Variants in TBC1D31 observed in about 807,000 individuals in gnomAD.
TBC1D31 encodes WD repeat domain 67.
A neutral mutation model predicts 132.9 loss-of-function variants in TBC1D31; 99 were observed. The ratio of observed to expected loss-of-function variants is 0.74; its 90% CI spans 0.63 to 0.88. The LOEUF is 0.88. Ranked by LOEUF, TBC1D31 falls within the 40% of genes least tolerant of loss-of-function variation. TBC1D31 has a pLI of 0.00. For missense variants in TBC1D31, 1,134 were observed against 1,256.6 expected, an observed-to-expected ratio of 0.90 and a Z score of 1.48; for synonymous variants, 385 against 419.4, an observed-to-expected ratio of 0.92 and a Z score of 1.00.
chr8:123,126,877 G>T (rs1176797406), intron 13 of TBC1D31, among the ~76,000 whole-genome samples, 190 bp downstream of exon 13: 1 of 151,994 alleles, frequency 6.6e-6, no homozygotes, highest in Non-Finnish European at 1.5e-5. Context: ...GAGTAGCTGG[G>T]ATTACAGGTG....
chr8:123,113,646 T>C (rs893702465), intron 10 of TBC1D31, among the ~76,000 whole-genome samples: 11 of 152,232 alleles, frequency 7.2e-5, no homozygotes, highest in African/African-American at 2.7e-4. Flanking sequence ...TATATACTTA[T>C]ATGCCTACTA....
chr8:123,133,931 T>C (rs1820846011), intron 16 of TBC1D31, among the ~76,000 whole-genome samples, 183 bp from the exon 17 acceptor site: 1 of 152,204 alleles, frequency 6.6e-6, no homozygotes, highest in South Asian at 2.1e-4. Flanking sequence ...TAACTTTAAC[T>C]GAGAGATTAT....
intron 8 of TBC1D31, among the ~76,000 whole-genome samples, chr8:123,106,857 A>G (rs758258683): frequency 6.6e-6 from 1 of 152,242 alleles, no homozygotes; most frequent in African/African-American, 2.4e-5. Flanking sequence ...CAAAATCAGC[A>G]AAGGGAAAAG....
At chr8:123,156,070 TAGAA>T (rs1320049315), downstream of TBC1D31, among the ~76,000 whole-genome samples, 1 of 152,198 alleles carries the variant, frequency 6.6e-6, no homozygotes, top group African/African-American at 2.4e-5. Context: ...GCTATTATCC[TAGAA>T]AGATTCAAGT....
In TBC1D31 at chr8:123,102,160, C is replaced by T. The variant is rs561523406; in HGVS notation, c.1032+1153C>T. The T allele has an allele frequency of 4.2e-4, 189 of 450,718 alleles. 1 individual carries two copies. The highest frequency in any genetic ancestry group is 2.5e-4 in the Non-Finnish European group (55 of 224,194). The allele number at this position is 450,718 out of a possible 1,614,324, so 27.9% of individuals were successfully genotyped here. A position where few individuals can be genotyped will look rare whatever the true frequency, so the allele number is the denominator to read the frequency against. On this transcript the variant is annotated intron_variant, in intron 7 of 21. Transcript: ENST00000287380. ...CCCCCAGCTAACCAGTCATATTGTC[C>T]GTGTGTCTTCCAGTCTGAAATTGCA... is the stretch of plus-strand genomic sequence containing the variant.
chr8:123,126,616 A>G lies in TBC1D31; in HGVS notation c.1813A>G (p.Met605Val), dbSNP rs192939621. 3 of 1,614,012 alleles carry G rather than the reference A, an allele frequency of 1.9e-6. No individual in the cohort carries two copies. The highest frequency in any genetic ancestry group is 2.5e-6 in the Non-Finnish European group (3 of 1,179,968). Reference sequence around the variant, plus strand: ...TTCCAACCATCCTTCCTTCCTTCTGATGACTGTTGTAGCCTACAACATATG... The same window carrying G: ...TTCCAACCATCCTTCCTTCCTTCTGGTGACTGTTGTAGCCTACAACATATG... ...IFSNHPSFLL[M>V]TVVAYNICSR... The change falls in exon 13 of 22, where the codon ATG (methionine) becomes GTG (valine). Residue 605 changes from methionine to valine, a missense_variant. Met to Val is a conservative substitution (Grantham distance 21, BLOSUM62 1). Coordinates refer to ENST00000287380, the MANE Select transcript of TBC1D31 (RefSeq NM_145647.4).
At chr8:123,155,079 G>A (rs1822953591), downstream of TBC1D31, among the ~76,000 whole-genome samples, 1 of 152,154 alleles carries the variant, frequency 6.6e-6, no homozygotes, top group East Asian at 1.9e-4. This position sits in a 1 kb window ranked among gnomAD's most constrained non-coding sequence, Gnocchi z 4.1. Context: ...CAGGAATGTG[G>A]ACTCAATGTT....
At chr8:123,159,108 G>C in the TBC1D31 span, among the ~76,000 whole-genome samples, 1,671 of 152,146 alleles carry the variant, frequency 0.011, 33 homozygotes, top group African/African-American at 0.037. Flanking sequence ...CTGCAGGCCC[G>C]AGGAGATGCT....
rs541786303 is a variant in TBC1D31 at position 123,120,076 on chromosome 8, C to A, written c.1458C>A (p.His486Gln). 5.0e-6 allele frequency: 8 copies of A among 1,605,954 alleles called. No homozygotes were observed. Among genetic ancestry groups the A allele is most frequent in the African/African-American group, 2.7e-5 (2 of 74,790 alleles). The change falls in exon 11 of 22, where the codon CAC becomes CAA. Residue 486 changes from histidine to glutamine, a missense_variant. By Grantham distance (24) the His-to-Gln change is conservative. Transcript: ENST00000287380. The stretch of plus-strand genomic sequence containing the variant: ...ACAGAACCTTATCTGCATTAGCTCA[C>A]TGGTCTGTCATTTTTAGTGACACAC... The part of the protein sequence containing the change: ...VLQRTLSALA[H>Q]WSVIFSDTPY...
In TBC1D31 at chr8:123,097,345, T is replaced by C; in HGVS notation, c.735T>C (p.Ala245=). The C allele has an allele frequency of 6.2e-7, 1 of 1,614,214 alleles. No individual in the cohort carries two copies. Among genetic ancestry groups the C allele is most frequent in the Non-Finnish European group, 8.5e-7 (1 of 1,180,028 alleles). ...ATCTTCATTTGTGGTGCTTGGAAGCTAGGCAGCTCTTTAGAATTATCCAGA... is the reference window on the plus strand; with the variant it reads ...ATCTTCATTTGTGGTGCTTGGAAGCCAGGCAGCTCTTTAGAATTATCCAGA... ...SNHLHLWCLE[A]RQLFRIIQMP... is the part of the protein sequence containing the mutation. The change falls in exon 6 of 22, where the codon GCT becomes GCC. Residue 245 remains alanine, a synonymous_variant. Coordinates refer to ENST00000287380, the MANE Select transcript of TBC1D31 (RefSeq NM_145647.4).
rs115804503 is a variant in TBC1D31 at position 123,079,094 on chromosome 8, A to C, written c.224+1837A>C. 2.1e-3 allele frequency among the ~76,000 whole-genome samples: 315 copies of C among 152,328 alleles called. 1 individual carries two copies. The highest frequency in any genetic ancestry group is 7.2e-3 in the African/African-American group (298 of 41,570). On this transcript the variant is annotated intron_variant, in intron 2 of 21. Coordinates refer to ENST00000287380, the MANE Select transcript of TBC1D31 (RefSeq NM_145647.4). ...AAAGCTAAATTAAGGACATCTAATAACAAAACTGTGCTGATATCTCTACAA... is the reference window on the plus strand; with the variant it reads ...AAAGCTAAATTAAGGACATCTAATACCAAAACTGTGCTGATATCTCTACAA...
At chr8:123,079,870 C>T (rs1814956185) in intron 2 of TBC1D31, among the ~76,000 whole-genome samples, 1 of 137,950 alleles carries the variant, frequency 7.2e-6, no homozygotes, top group African/African-American at 2.5e-5. Flanking sequence ...CCCTCATTAC[C>T]TTATTCATAA....
Position 123,082,715 on chromosome 8 carries a change from C to T in TBC1D31, c.238C>T (p.Gln80Ter). 1 of 1,609,300 alleles carries T rather than the reference C, an allele frequency of 6.2e-7. No homozygotes were observed. Among genetic ancestry groups the T allele is most frequent in the Non-Finnish European group, 8.5e-7 (1 of 1,178,766 alleles). Residue 80 changes from glutamine (Q) to a stop codon, truncating the protein, a stop_gained, in exon 3 of 22, where the codon CAG (glutamine) becomes TAG (stop). Coordinates refer to ENST00000287380, the MANE Select transcript of TBC1D31 (RefSeq NM_145647.4). LOFTEE classifies it high-confidence loss of function. Reference sequence around the variant, plus strand: ...ATCTCTTAATAGGTTCAATCTTGTTCAGCGAACAGCACAAGCTTGCACAGC... The same window carrying T: ...ATCTCTTAATAGGTTCAATCTTGTTTAGCGAACAGCACAAGCTTGCACAGC... ...DLHGNRFNLV[Q>*]RTAQACTALA...
chr8:123,090,913 T>G (rs2130092658), intron 4 of TBC1D31, among the ~76,000 whole-genome samples: 1 of 151,980 alleles, frequency 6.6e-6, no homozygotes, highest in East Asian at 1.9e-4. Flanking sequence ...GCACTCCAGC[T>G]TGGGTGACAG....
intron 5 of TBC1D31, among the ~76,000 whole-genome samples, chr8:123,094,743 G>T (rs1331519119): frequency 6.6e-6 from 1 of 151,860 alleles, no homozygotes; most frequent in Non-Finnish European, 1.5e-5. Context: ...GTTTCACCAT[G>T]TTGGCCAGGC....
intron 20 of TBC1D31, 112 bp from the exon 21 acceptor site, chr8:123,149,924 A>G (rs904168203): frequency 6.3e-6 from 4 of 635,362 alleles, no homozygotes; most frequent in Non-Finnish European, 8.3e-6. Flanking sequence ...ATAGAAAAGA[A>G]AGGAGTTTTT....
intron 11 of TBC1D31, among the ~76,000 whole-genome samples, chr8:123,125,409 G>C (rs559769540): frequency 5.9e-5 from 9 of 152,244 alleles, no homozygotes; most frequent in African/African-American, 2.2e-4. Context: ...TGGTTTTCAA[G>C]TCAAGTTTAC....
chr8:123,128,155 T>C, intron 13 of TBC1D31, 126 bp from the exon 14 acceptor site: 1 of 495,210 alleles, frequency 2.0e-6, no homozygotes, highest in South Asian at 3.8e-5. Context: ...AGAAAAGCTT[T>C]AATGAATTTG....
chr8:123,111,902 G>A (rs1818477345), intron 10 of TBC1D31, among the ~76,000 whole-genome samples: 1 of 152,092 alleles, frequency 6.6e-6, no homozygotes, highest in African/African-American at 2.4e-5. Flanking sequence ...CACCCAGGCT[G>A]GAGTACAATG....
Sources: gnomAD v4.1 joint callset for allele counts (sites outside exome capture counted in the v4.1 genomes callset) on GRCh38, gnomAD v4.1.1 for gene constraint, Gnocchi (gnomAD v3.1) non-coding constraint, MANE v1.5 for transcripts, NCBI Gene and HGNC (gene_info 2026-07-23, HGNC 2026-07-21) for gene names.